The following HDAC9 variants were observed in gnomAD, a reference collection of about 807,000 sequenced individuals.
The protein encoded by HDAC9 is MEF-2 interacting transcription repressor (MITR) protein.
In HDAC9, 41 loss-of-function variants were observed where a neutral mutation model predicts 139.4. The observed-to-expected ratio is 0.29, with a 90% CI of 0.23 to 0.38. HDAC9 has a LOEUF of 0.38. HDAC9 is among the 10% of genes least tolerant of loss of function. HDAC9 has a pLI of 1.00. For synonymous variants in HDAC9, 517 were observed against 476.2 expected, an observed-to-expected ratio of 1.09 and a Z score of -1.12; for missense variants, 1,147 against 1,297.0, an observed-to-expected ratio of 0.88 and a Z score of 1.78.
chr7:18,229,218 A>G (rs576385079), intron 2 of HDAC9, among the ~76,000 whole-genome samples: 2 of 152,322 alleles, frequency 1.3e-5, no homozygotes, highest in East Asian at 1.9e-4. Context: ...TGAATGTCAC[A>G]TTCTTGAGGA....
At chr7:18,474,380 C>G (rs1019061523) in intron 1 of HDAC9, among the ~76,000 whole-genome samples, 2 of 152,062 alleles carry the variant, frequency 1.3e-5, no homozygotes, top group African/African-American at 2.4e-5. Context: ...CTATAGCTGC[C>G]CCTGTGGCAT....
At chr7:18,645,504 C>A (rs1009218541) in intron 9 of HDAC9, among the ~76,000 whole-genome samples, 3 of 152,124 alleles carry the variant, frequency 2.0e-5, no homozygotes, top group African/African-American at 7.2e-5. Context: ...CTTAAAATTT[C>A]CTAGTACTCA....
At chr7:18,412,556 A>G (rs1205296869) in intron 1 of HDAC9, among the ~76,000 whole-genome samples, 2 of 152,194 alleles carry the variant, frequency 1.3e-5, no homozygotes, top group African/African-American at 2.4e-5. Context: ...AGACACGATC[A>G]TACTCCTGTT....
Position 18,996,106 on chromosome 7 carries a change from G to A in HDAC9, c.*44G>A. 1 of 1,457,354 alleles carries A rather than the reference G, an allele frequency of 6.9e-7. No homozygotes were observed. The highest frequency in any genetic ancestry group is 2.3e-5 in the East Asian group (1 of 43,024). 90.3% of individuals were successfully genotyped at this position (1,457,354 alleles called of 1,614,324 possible). A position where few individuals can be genotyped will look rare whatever the true frequency, so the allele number is the denominator to read the frequency against. On this transcript the variant is annotated 3_prime_UTR_variant, in exon 26 of 26. Transcript: ENST00000686413. ...GATATTTCCTGTGTGTGACATCATT[G>A]TGTATCCCCCCACCCCAGTACCCTC...
At chr7:18,746,906 G>A (rs1026969412) in intron 13 of HDAC9, among the ~76,000 whole-genome samples, 3 of 152,188 alleles carry the variant, frequency 2.0e-5, no homozygotes, top group African/African-American at 4.8e-5. Context: ...TGCTAAGAGA[G>A]TATATAGTAG....
intron 1 of HDAC9, among the ~76,000 whole-genome samples, chr7:18,325,904 A>C (rs1800413556): frequency 6.6e-6 from 1 of 152,120 alleles, no homozygotes; most frequent in Non-Finnish European, 1.5e-5. Flanking sequence ...CCAGATAGCC[A>C]AGTTATACCA....
intron 17 of HDAC9, among the ~76,000 whole-genome samples, chr7:18,806,824 A>G (rs1793749093): frequency 6.6e-6 from 1 of 152,148 alleles, no homozygotes; most frequent in African/African-American, 2.4e-5. Context: ...ACTTAGGGAT[A>G]AATCCCACTT....
chr7:18,875,008 A>G (rs1287340181), intron 22 of HDAC9, among the ~76,000 whole-genome samples: 1 of 152,160 alleles, frequency 6.6e-6, no homozygotes, highest in African/African-American at 2.4e-5. Context: ...AATATTATGC[A>G]CTTCCAAGTT....
intron 17 of HDAC9, among the ~76,000 whole-genome samples, chr7:18,797,243 A>C (rs1297510936): frequency 6.6e-6 from 1 of 152,050 alleles, no homozygotes; most frequent in Admixed American, 6.6e-5. Context: ...TCTTTCAACC[A>C]CTCTATCAGG....
chr7:18,744,812 A>G (rs931311023), intron 13 of HDAC9, among the ~76,000 whole-genome samples: 4 of 152,182 alleles, frequency 2.6e-5, no homozygotes. Context: ...GTCCAAGTTT[A>G]TCTAAAAAAT....
chr7:18,309,860 A>G (rs923972737), intron 1 of HDAC9, among the ~76,000 whole-genome samples: 14 of 152,250 alleles, frequency 9.2e-5, no homozygotes, highest in Admixed American at 3.9e-4. Flanking sequence ...ATAATAAAAA[A>G]TATTTAAATA....
chr7:18,451,997 T>A (rs1423996420), intron 1 of HDAC9, among the ~76,000 whole-genome samples: 1 of 152,142 alleles, frequency 6.6e-6, no homozygotes, highest in Non-Finnish European at 1.5e-5. Flanking sequence ...GTGTGGAACC[T>A]AAAACAGATA....
At chr7:18,718,613 C>T (rs116070924) in intron 12 of HDAC9, among the ~76,000 whole-genome samples, 1,935 of 152,266 alleles carry the variant, frequency 0.013, 49 homozygotes, top group African/African-American at 0.044. Flanking sequence ...TTCTTTCCTT[C>T]TTACGGCTAG....
chr7:18,653,011 T>G (rs1437349701), intron 11 of HDAC9, among the ~76,000 whole-genome samples: 2 of 151,400 alleles, frequency 1.3e-5, no homozygotes, highest in African/African-American at 4.9e-5. Context: ...CCGATGTGGG[T>G]GGATAAGCTG....
intron 1 of HDAC9, among the ~76,000 whole-genome samples, chr7:18,130,720 A>G (rs1477767267): frequency 6.6e-6 from 1 of 152,048 alleles, no homozygotes; most frequent in Non-Finnish European, 1.5e-5. Flanking sequence ...TCTATTTTGG[A>G]TATTTCATAT....
chr7:18,289,716 A>T (rs1797688987), upstream of HDAC9, among the ~76,000 whole-genome samples: 1 of 152,132 alleles, frequency 6.6e-6, no homozygotes. Flanking sequence ...ACAGTGTTTT[A>T]TATGTTGAAA....
chr7:18,779,604 A>G (rs1463719005), intron 16 of HDAC9, among the ~76,000 whole-genome samples: 1 of 152,032 alleles, frequency 6.6e-6, no homozygotes, highest in Non-Finnish European at 1.5e-5. Flanking sequence ...GGCTCTGTTA[A>G]TTATTATTTC....
intron 6 of HDAC9, among the ~76,000 whole-genome samples, chr7:18,617,919 A>C (rs1334856956): frequency 6.6e-6 from 1 of 152,202 alleles, no homozygotes; most frequent in Non-Finnish European, 1.5e-5. Context: ...GTAGGAGACT[A>C]ACTGCTTCCG....
intron 24 of HDAC9, among the ~76,000 whole-genome samples, chr7:18,969,676 G>A (rs527634858): frequency 3.3e-4 from 50 of 151,574 alleles, no homozygotes; most frequent in South Asian, 6.2e-4. Context: ...TGACATTTTA[G>A]AGAAAAAAAA....
Sources: gnomAD v4.1 joint callset for allele counts (sites outside exome capture counted in the v4.1 genomes callset) on GRCh38, gnomAD v4.1.1 for gene constraint, MANE v1.5 for transcripts, NCBI Gene and HGNC (gene_info 2026-07-23, HGNC 2026-07-21) for gene names.